Variants in GLIS3 observed in about 807,000 individuals in gnomAD.
GLIS3 encodes the protein GLIS family zinc finger 3.
GLIS3 carries 53 observed loss-of-function variants against 78.6 expected under a neutral mutation model. The ratio of observed to expected loss-of-function variants is 0.67; its 90% CI spans 0.54 to 0.85. GLIS3 has a LOEUF of 0.85. Ranked by LOEUF, GLIS3 falls within the 40% of genes least tolerant of loss-of-function variation. The pLI, the probability that GLIS3 is intolerant of heterozygous loss-of-function variation, is 0.00. For synonymous variants in GLIS3, 684 were observed against 509.9 expected (o/e 1.34, Z -4.60); for missense variants, 1,703 against 1,231.1 (o/e 1.38, Z -5.74).
intron 4 of GLIS3, among the ~76,000 whole-genome samples, chr9:3,992,403 G>A (rs566446720): frequency 1.5e-4 from 23 of 152,174 alleles, no homozygotes; most frequent in Non-Finnish European, 2.8e-4. Context: ...AAAGAAATGT[G>A]TTTCCTTGTT....
intron 4 of GLIS3, among the ~76,000 whole-genome samples, chr9:4,037,208 C>T (rs941046403): frequency 1.3e-5 from 2 of 152,238 alleles, no homozygotes; most frequent in South Asian, 2.1e-4. Flanking sequence ...AATTTCATTT[C>T]GAGAAAGATT....
chr9:3,947,896 C>T (rs1192555024), intron 4 of GLIS3, among the ~76,000 whole-genome samples: 2 of 152,154 alleles, frequency 1.3e-5, no homozygotes, highest in African/African-American at 2.4e-5. Context: ...AAAAAGCCAT[C>T]GATTTCCATT....
intron 4 of GLIS3, among the ~76,000 whole-genome samples, chr9:4,110,503 A>C (rs914422329): frequency 9.2e-5 from 14 of 152,208 alleles, no homozygotes. Flanking sequence ...AAGGAAAATA[A>C]ATACTGTGCC....
chr9:4,107,168 G>T (rs1429182055), intron 4 of GLIS3, among the ~76,000 whole-genome samples: 1 of 152,176 alleles, frequency 6.6e-6, no homozygotes, highest in African/African-American at 2.4e-5. Flanking sequence ...AGATTGAAAT[G>T]TGTTTTCTTT....
chr9:4,026,995 G>A (rs1239266276), intron 4 of GLIS3, among the ~76,000 whole-genome samples: 2 of 152,154 alleles, frequency 1.3e-5, no homozygotes, highest in Non-Finnish European at 1.5e-5. Context: ...ATGATTTAAG[G>A]CCACATGTGG....
intron 7 of GLIS3, among the ~76,000 whole-genome samples, chr9:3,884,050 A>G (rs1438172118): frequency 6.6e-6 from 1 of 152,232 alleles, no homozygotes; most frequent in East Asian, 1.9e-4. Flanking sequence ...ACAAAGCAGC[A>G]TCTGTTGATC....
intron 2 of GLIS3, among the ~76,000 whole-genome samples, chr9:4,312,670 G>A (rs1251184888): frequency 2.6e-5 from 4 of 152,074 alleles, no homozygotes; most frequent in Non-Finnish European, 1.5e-5. Context: ...GTTACCTTAG[G>A]CCTTTTCTAT....
chr9:4,444,792 A>G, the GLIS3 span, among the ~76,000 whole-genome samples: 1 of 152,186 alleles, frequency 6.6e-6, no homozygotes, highest in Admixed American at 6.5e-5. Flanking sequence ...GGGGGTTGAA[A>G]TTTTGTTTTC....
chr9:4,474,774 G>A, the GLIS3 span, among the ~76,000 whole-genome samples: 2 of 146,092 alleles, frequency 1.4e-5, no homozygotes, highest in Non-Finnish European at 1.5e-5. Context: ...ATGGCTCACT[G>A]CAGCCTCAAC....
the GLIS3 span, among the ~76,000 whole-genome samples, chr9:4,475,351 G>A: frequency 2.0e-5 from 3 of 152,162 alleles, no homozygotes; most frequent in South Asian, 2.1e-4. Context: ...ATTATGAAAA[G>A]GTGCTCAATC....
chr9:4,105,659 CT>C (rs1830695338), intron 4 of GLIS3, among the ~76,000 whole-genome samples: 1 of 152,084 alleles, frequency 6.6e-6, no homozygotes, highest in Non-Finnish European at 1.5e-5. Flanking sequence ...TTCCGAAGTT[CT>C]GAATTCTTGA....
intron 2 of GLIS3, among the ~76,000 whole-genome samples, chr9:4,194,211 C>T (rs1190669688): frequency 1.3e-5 from 2 of 152,034 alleles, no homozygotes; most frequent in African/African-American, 2.4e-5. Context: ...GCCCACGCTG[C>T]CACGCCCAGC....
chr9:4,067,827 G>C (rs909207513), intron 4 of GLIS3, among the ~76,000 whole-genome samples: 2 of 150,986 alleles, frequency 1.3e-5, no homozygotes, highest in Admixed American at 6.6e-5. Context: ...ATGGTTACCA[G>C]CAAAGAACAG....
At chr9:3,838,347 C>G (rs1414736105) in intron 9 of GLIS3, among the ~76,000 whole-genome samples, 1 of 152,104 alleles carries the variant, frequency 6.6e-6, no homozygotes, top group Non-Finnish European at 1.5e-5. Flanking sequence ...TAAGAGAGAC[C>G]TACAGTCCTC....
At chr9:4,255,388 G>C (rs1045429515) in intron 2 of GLIS3, among the ~76,000 whole-genome samples, 4 of 152,030 alleles carry the variant, frequency 2.6e-5, no homozygotes, top group African/African-American at 7.2e-5. Flanking sequence ...TGAAAACTTA[G>C]GTCCACACAC....
At chr9:4,002,558 C>T (rs957784403) in intron 4 of GLIS3, among the ~76,000 whole-genome samples, 47 of 152,142 alleles carry the variant, frequency 3.1e-4, no homozygotes, top group African/African-American at 1.1e-3. Flanking sequence ...ATCCTTTATA[C>T]TCTGATTTGT....
the GLIS3 span, among the ~76,000 whole-genome samples, chr9:4,421,319 C>T: frequency 3.3e-5 from 5 of 152,188 alleles, no homozygotes; most frequent in Non-Finnish European, 7.3e-5. Context: ...GTGGTGAAGG[C>T]AAGCCTGGTT....
In GLIS3 at chr9:4,118,326, G is replaced by A. The variant is rs1329895060; in HGVS notation, c.1152C>T (p.Tyr384=). The stretch of plus-strand genomic sequence containing the variant: ...CGTGCTCCAGGGCCCCGTCCTCGCC[G>A]TAGGCCGGCAGCGCCAGGCCTCCAG... ...VAPGGLALPA[Y]GEDGALEHER... Residue 384 remains tyrosine (Y), a synonymous_variant, in exon 4 of 11, where the codon TAC becomes TAT. Coordinates refer to ENST00000381971, the MANE Select transcript of GLIS3 (RefSeq NM_001042413.2). This position sits in a 1 kb window ranked among gnomAD's most constrained non-coding sequence, Gnocchi z 4.7. 1.9e-6 allele frequency: 3 copies of A among 1,574,500 alleles called. No homozygotes were observed. The highest frequency in any genetic ancestry group is 1.8e-5 in the Admixed American group (1 of 54,994).
intron 2 of GLIS3, among the ~76,000 whole-genome samples, chr9:4,156,716 T>C (rs1045809663): frequency 1.3e-5 from 2 of 152,200 alleles, no homozygotes; most frequent in African/African-American, 2.4e-5. Context: ...TCATTATGCT[T>C]AAGCGTCAGT....
Sources: allele counts gnomAD v4.1 joint callset (sites outside exome capture counted in the v4.1 genomes callset), GRCh38; gene constraint gnomAD v4.1.1; non-coding constraint Gnocchi (gnomAD v3.1); transcripts MANE v1.5; gene names NCBI Gene and HGNC (gene_info 2026-07-23, HGNC 2026-07-21).